Variants in AIG1 observed in about 807,000 individuals in gnomAD.
AIG1 encodes the protein androgen-induced gene 1 protein.
In AIG1, 23 loss-of-function variants were observed where a neutral mutation model predicts 31.4. That is an observed-to-expected ratio of 0.73 (90% CI 0.53 to 1.04). The LOEUF (loss-of-function observed/expected upper bound fraction) is 1.04, where lower values mean the gene tolerates loss of function less well. AIG1 is among the 50% of genes least tolerant of loss of function. The pLI is 0.00. For synonymous variants in AIG1, 100 were observed against 110.5 expected, an observed-to-expected ratio of 0.90 and a Z score of 0.60; for missense variants, 274 against 295.0, an observed-to-expected ratio of 0.93 and a Z score of 0.52.
intron 3 of AIG1, among the ~76,000 whole-genome samples, chr6:143,191,764 T>TC (rs1177471952): frequency 2.6e-5 from 4 of 152,168 alleles, no homozygotes; most frequent in Non-Finnish European, 4.4e-5. Context: ...TTACTTTAGA[T>TC]TACATTTAAA....
intron 4 of AIG1, among the ~76,000 whole-genome samples, chr6:143,285,794 A>AACC (rs1797644473): frequency 1.3e-5 from 2 of 152,194 alleles, no homozygotes; most frequent in Admixed American, 6.5e-5. Context: ...ACTTTCTCTG[A>AACC]TAAAAAATGT....
At chr6:143,087,047 A>T (rs1171427039) in intron 1 of AIG1, among the ~76,000 whole-genome samples, 2 of 152,176 alleles carry the variant, frequency 1.3e-5, no homozygotes, top group Non-Finnish European at 2.9e-5. Context: ...GAAGCCTCAC[A>T]CCTGAGTCTT....
chr6:143,313,058 A>G (rs1257437052), intron 4 of AIG1, among the ~76,000 whole-genome samples: 1 of 151,992 alleles, frequency 6.6e-6, no homozygotes, highest in Non-Finnish European at 1.5e-5. Flanking sequence ...CCAATAACAA[A>G]TGTCGGGGAG....
At chr6:143,059,890 T>G (rs896290698), upstream of AIG1, among the ~76,000 whole-genome samples, 3 of 152,236 alleles carry the variant, frequency 2.0e-5, no homozygotes, top group Admixed American at 6.5e-5. Flanking sequence ...AACTTCAGTG[T>G]GACAACATTT....
intron 3 of AIG1, among the ~76,000 whole-genome samples, chr6:143,175,958 A>T (rs1344766986): frequency 1.3e-5 from 2 of 152,160 alleles, no homozygotes; most frequent in Non-Finnish European, 2.9e-5. Context: ...AAGATCTGGG[A>T]TTCAAGGCTG....
Position 143,288,811 on chromosome 6 carries a change from A to C in AIG1, c.515+4586A>C, listed in dbSNP as rs935842276. 3.9e-5 allele frequency among the ~76,000 whole-genome samples: 6 copies of C among 152,224 alleles called. No individual in the cohort carries two copies. Among genetic ancestry groups the C allele is most frequent in the African/African-American group, 1.4e-4 (6 of 41,454 alleles). On this transcript the variant is annotated intron_variant, in intron 4 of 5. Transcript: ENST00000357847. The surrounding 1 kb of genome is among the most constrained non-coding windows in gnomAD (Gnocchi z 4.4). ...TTTTAAAGAGACAGAAGTTACAAGCAAAGACATAAATCTATACCTGTAAGG... is the reference window on the plus strand; with the variant it reads ...TTTTAAAGAGACAGAAGTTACAAGCCAAGACATAAATCTATACCTGTAAGG...
chr6:143,310,644 A>G (rs1021869686), intron 4 of AIG1, among the ~76,000 whole-genome samples: 1 of 151,496 alleles, frequency 6.6e-6, no homozygotes, highest in Non-Finnish European at 1.5e-5. Context: ...TTAAAAAAAA[A>G]CAATAAAAGC....
In AIG1 at chr6:143,230,494, A is replaced by C. The variant is rs1184744469; in HGVS notation, c.400-53616A>C. On this transcript the variant is annotated intron_variant, in intron 3 of 5. Coordinates refer to ENST00000357847, the MANE Select transcript of AIG1 (RefSeq NM_016108.4). ...GATATACTATTAAAGTTAACTTCAC[A>C]CTTTTCTTTTTTACACTCTTTTTTC... is the stretch of plus-strand genomic sequence containing the variant. Among the ~76,000 whole-genome samples, 11 of 150,026 alleles carry C rather than the reference A, an allele frequency of 7.3e-5. No individual in the cohort carries two copies. In the Admixed American group the frequency reaches 7.3e-4, roughly 10 times the overall value.
intron 3 of AIG1, chr6:143,187,463 C>G: frequency 6.5e-7 from 1 of 1,535,480 alleles, no homozygotes; most frequent in South Asian, 1.2e-5. Flanking sequence ...AAGTTTGGCA[C>G]TCGACACTCT....
At chr6:143,141,123 A>G (rs898061663) in intron 2 of AIG1, among the ~76,000 whole-genome samples, 2 of 152,254 alleles carry the variant, frequency 1.3e-5, no homozygotes, top group African/African-American at 4.8e-5. Context: ...GAAAGTAAAG[A>G]GTGAATGCAT....
chr6:143,283,517 A>G (rs990650019), intron 3 of AIG1, among the ~76,000 whole-genome samples: 1 of 152,270 alleles, frequency 6.6e-6, no homozygotes, highest in African/African-American at 2.4e-5. Flanking sequence ...GATGTTCATC[A>G]TGATGTTTTT....
At chr6:143,100,995 T>C (rs545807152) in intron 1 of AIG1, among the ~76,000 whole-genome samples, 21 of 152,224 alleles carry the variant, frequency 1.4e-4, no homozygotes, top group Non-Finnish European at 2.6e-4. Context: ...TATTCTCTTA[T>C]ATAATTAATT....
chr6:143,152,398 C>T lies in AIG1; in HGVS notation c.298-12684C>T, dbSNP rs1265134869. Among the ~76,000 whole-genome samples the T allele has an allele frequency of 2.0e-5, 3 of 152,078 alleles. No individual in the cohort carries two copies. In the East Asian group the frequency reaches 5.8e-4, roughly 29 times the overall value. ...TTATTTAAAAAATGAGAAAGAAAGA[C>T]AGCAAGAGTTTGATTATTCAGTGAT... On this transcript the variant is annotated intron_variant, in intron 2 of 5. Coordinates refer to ENST00000357847, the MANE Select transcript of AIG1 (RefSeq NM_016108.4).
chr6:143,314,184 TAAAAAAAA>T (rs35691634), intron 4 of AIG1, among the ~76,000 whole-genome samples: 2 of 90,614 alleles, frequency 2.2e-5, no homozygotes, highest in South Asian at 3.3e-4. Flanking sequence ...ACCCATCTCT[TAAAAAAAA>T]AAAAAAAAAA....
intron 3 of AIG1, among the ~76,000 whole-genome samples, chr6:143,221,650 C>G (rs1221964437): frequency 6.6e-6 from 1 of 152,122 alleles, no homozygotes; most frequent in African/African-American, 2.4e-5. Context: ...AGCATAGGCC[C>G]TCTTTTCTTG....
chr6:143,304,880 GT>G (rs1733647368), intron 4 of AIG1, among the ~76,000 whole-genome samples: 1 of 152,076 alleles, frequency 6.6e-6, no homozygotes, highest in African/African-American at 2.4e-5. Context: ...TTGGTAAGCT[GT>G]TGATTATTGC....
chr6:143,245,916 G>A (rs551444172), intron 3 of AIG1, among the ~76,000 whole-genome samples: 28 of 152,248 alleles, frequency 1.8e-4, no homozygotes, highest in African/African-American at 5.8e-4. Flanking sequence ...TTTAGGGCAC[G>A]GTTGTCCCAT....
chr6:143,300,319 C>G (rs1798739650), intron 4 of AIG1, among the ~76,000 whole-genome samples: 1 of 152,152 alleles, frequency 6.6e-6, no homozygotes, highest in Non-Finnish European at 1.5e-5. Flanking sequence ...AAGTTTTTAT[C>G]AAAGTTAAAC....
chr6:143,112,362 C>T (rs908012811), intron 1 of AIG1, among the ~76,000 whole-genome samples: 1 of 152,166 alleles, frequency 6.6e-6, no homozygotes, highest in African/African-American at 2.4e-5. Flanking sequence ...CTGCACACAC[C>T]AGTCTGGAAT....
Sources: gnomAD v4.1 joint callset for allele counts (sites outside exome capture counted in the v4.1 genomes callset) on GRCh38, gnomAD v4.1.1 for gene constraint, Gnocchi (gnomAD v3.1) non-coding constraint, MANE v1.5 for transcripts, NCBI Gene and HGNC (gene_info 2026-07-23, HGNC 2026-07-21) for gene names.